Variants in EXOC4 observed in about 807,000 individuals in gnomAD.
EXOC4 encodes exocyst complex component 4.
A neutral mutation model predicts 107.2 loss-of-function variants in EXOC4; 71 were observed. The ratio of observed to expected loss-of-function variants is 0.66; its 90% CI spans 0.55 to 0.81. The LOEUF is 0.81. Ranked by LOEUF, EXOC4 falls within the 30% of genes least tolerant of loss-of-function variation. EXOC4 has a pLI of 0.00. For missense variants in EXOC4, 1,108 were observed against 1,189.6 expected (o/e 0.93, Z 1.01); for synonymous variants, 456 against 441.2 (o/e 1.03, Z -0.42).
At chr7:134,028,446 A>G (rs190980970) in intron 17 of EXOC4, among the ~76,000 whole-genome samples, 43 of 152,390 alleles carry the variant, frequency 2.8e-4, no homozygotes, top group Admixed American at 2.5e-3. Flanking sequence ...CTACTAAACT[A>G]TAAGTCGAAA....
chr7:133,449,483 C>G (rs1211955722), intron 7 of EXOC4, among the ~76,000 whole-genome samples: 1 of 152,172 alleles, frequency 6.6e-6, no homozygotes, highest in African/African-American at 2.4e-5. Flanking sequence ...TTCTTAAATG[C>G]AAGGATAATT....
chr7:134,093,049 T>C, the EXOC4 span, among the ~76,000 whole-genome samples: 1 of 151,788 alleles, frequency 6.6e-6, no homozygotes, highest in Non-Finnish European at 1.5e-5. Context: ...AGCAAAAAGC[T>C]AACAACTTCA....
At chr7:133,624,996 G>C (rs1312732898) in intron 9 of EXOC4, among the ~76,000 whole-genome samples, 1 of 151,788 alleles carries the variant, frequency 6.6e-6, no homozygotes, top group Non-Finnish European at 1.5e-5. Context: ...ACTAGAGAAA[G>C]TTCTTTCTGT....
chr7:133,564,448 A>G (rs1002321533), intron 9 of EXOC4, among the ~76,000 whole-genome samples: 1 of 152,170 alleles, frequency 6.6e-6, no homozygotes, highest in African/African-American at 2.4e-5. Flanking sequence ...ATTTTTCTAC[A>G]TGAGAGCTGG....
intron 1 of EXOC4, among the ~76,000 whole-genome samples, chr7:133,273,963 C>T (rs1421507358): frequency 6.6e-6 from 1 of 151,974 alleles, no homozygotes; most frequent in Non-Finnish European, 1.5e-5. Context: ...CCACAGCCAA[C>T]AGATAAGAGG....
intron 1 of EXOC4, among the ~76,000 whole-genome samples, chr7:133,271,261 A>G (rs1224719806): frequency 1.3e-5 from 2 of 152,008 alleles, no homozygotes; most frequent in Non-Finnish European, 2.9e-5. Context: ...TTTTTATTGA[A>G]TATTTATCTC....
intron 11 of EXOC4, among the ~76,000 whole-genome samples, chr7:133,821,154 C>T (rs771102360): frequency 5.3e-5 from 8 of 152,212 alleles, no homozygotes; most frequent in Non-Finnish European, 1.0e-4. Flanking sequence ...ATGATAGCAG[C>T]TAACACTTTA....
chr7:133,507,541 T>G, intron 9 of EXOC4, among the ~76,000 whole-genome samples: 1 of 152,190 alleles, frequency 6.6e-6, no homozygotes. Context: ...GCTCTCAAGA[T>G]AAAATACATG....
chr7:133,933,022 G>A (rs1249570448), intron 13 of EXOC4, among the ~76,000 whole-genome samples: 1 of 150,692 alleles, frequency 6.6e-6, no homozygotes, highest in Admixed American at 6.6e-5. Flanking sequence ...GTTCATAATT[G>A]CATCAGGTCT....
intron 9 of EXOC4, among the ~76,000 whole-genome samples, chr7:133,541,305 A>C (rs957873642): frequency 6.6e-6 from 1 of 152,128 alleles, no homozygotes; most frequent in African/African-American, 2.4e-5. Flanking sequence ...TCACGTTTGA[A>C]TATTGGTCAC....
intron 17 of EXOC4, among the ~76,000 whole-genome samples, chr7:134,059,279 C>T (rs1796000251): frequency 6.6e-6 from 1 of 152,124 alleles, no homozygotes; most frequent in African/African-American, 2.4e-5. Flanking sequence ...TTCAGAGATG[C>T]AGTACTAATT....
At position 133,544,587 on chromosome 7, in the gene EXOC4, C is replaced by T. The variant is rs551014103; in HGVS notation, c.1417+64449C>T. On this transcript the variant is annotated intron_variant, in intron 9 of 17. Coordinates refer to ENST00000253861, the MANE Select transcript of EXOC4 (RefSeq NM_021807.4). ...CAGTGTCAAATGCCTTTTTCTTCTG[C>T]GTTTTCACTGACATTTTAGAACTCC... Among the ~76,000 whole-genome samples the T allele has an allele frequency of 4.6e-5, 7 of 152,164 alleles. No individual in the cohort carries two copies. The South Asian group carries it at 6.2e-4, about 14-fold the overall frequency.
intron 9 of EXOC4, among the ~76,000 whole-genome samples, chr7:133,612,318 A>G (rs1802090863): frequency 6.6e-6 from 1 of 152,322 alleles, no homozygotes; most frequent in East Asian, 1.9e-4. Context: ...ATAGAAGTAT[A>G]CATTTTCTGC....
At chr7:134,097,468 A>G in the EXOC4 span, among the ~76,000 whole-genome samples, 1 of 152,150 alleles carries the variant, frequency 6.6e-6, no homozygotes, top group Non-Finnish European at 1.5e-5. Context: ...CTCACCATCC[A>G]TTATTCACAG....
rs556058887 is a variant in EXOC4, at chr7:133,610,400, C to A, written c.1418-19645C>A. On this transcript the variant is annotated intron_variant, in intron 9 of 17. Coordinates refer to ENST00000253861, the MANE Select transcript of EXOC4 (RefSeq NM_021807.4). The stretch of plus-strand genomic sequence containing the variant: ...GGAAGAAACTGTCTCATAAGAAAGT[C>A]ATTACTTTTTCATGCCCTTCTTAGT... 2.0e-5 allele frequency among the ~76,000 whole-genome samples: 3 copies of A among 152,276 alleles called. No homozygotes were observed. In the East Asian group the frequency reaches 5.8e-4, roughly 29 times the overall value.
At chr7:134,023,712 A>G (rs927097693) in intron 17 of EXOC4, among the ~76,000 whole-genome samples, 4 of 152,220 alleles carry the variant, frequency 2.6e-5, no homozygotes, top group Non-Finnish European at 5.9e-5. Context: ...ATACATTAGT[A>G]TTTCAAGAAA....
chr7:134,062,598 C>T (rs117242188), intron 17 of EXOC4, among the ~76,000 whole-genome samples: 10 of 152,192 alleles, frequency 6.6e-5, no homozygotes, highest in Admixed American at 2.0e-4. Context: ...TCTGTCCCCT[C>T]GATCTTGGCA....
At chr7:133,830,386 C>T (rs181902318) in intron 11 of EXOC4, among the ~76,000 whole-genome samples, 8 of 152,314 alleles carry the variant, frequency 5.3e-5, no homozygotes, top group South Asian at 2.1e-4. Flanking sequence ...TTTCTTGCCT[C>T]GTGAAGAGGA....
Position 133,750,379 on chromosome 7 carries a change from CTT to C in EXOC4, c.1515-66943_1515-66942del, listed in dbSNP as rs377120438. Among the ~76,000 whole-genome samples, 14 of 152,190 alleles carry C rather than the reference CTT, an allele frequency of 9.2e-5. No individual in the cohort carries two copies. The East Asian group carries it at 1.9e-3, about 21-fold the overall frequency. On this transcript the variant is annotated intron_variant, in intron 10 of 17. Coordinates refer to ENST00000253861, the MANE Select transcript of EXOC4 (RefSeq NM_021807.4). ...CCATTTCCTTAATAGGTCTTACACTCTTTTGGTTTTATATGGTGTTCCCTAAT... is the reference window on the plus strand; with the variant it reads ...CCATTTCCTTAATAGGTCTTACACTCTTGGTTTTATATGGTGTTCCCTAAT...
Sources: gnomAD v4.1 joint callset for allele counts (sites outside exome capture counted in the v4.1 genomes callset) on GRCh38, gnomAD v4.1.1 for gene constraint, MANE v1.5 for transcripts, NCBI Gene and HGNC (gene_info 2026-07-23, HGNC 2026-07-21) for gene names.